The following PDIA6 variants were observed in gnomAD, a reference collection of about 807,000 sequenced individuals.
The protein encoded by PDIA6 is protein disulfide-isomerase A6.
Under a neutral mutation model 58.4 loss-of-function variants are expected in PDIA6, and 29 were observed. The ratio of observed to expected loss-of-function variants is 0.50; its 90% CI spans 0.37 to 0.68. The LOEUF is 0.68. Among genes scored for constraint, PDIA6 ranks in the 30% least tolerant of loss-of-function variants. PDIA6 has a pLI of 0.00. For missense variants in PDIA6, 480 were observed against 551.0 expected (o/e 0.87, Z 1.29); for synonymous variants, 192 against 202.6 (o/e 0.95, Z 0.44).
At chr2:10,834,721 C>CCCTCCCTT (rs1303608003), upstream of PDIA6, among the ~76,000 whole-genome samples, 92 of 45,520 alleles carry the variant, frequency 2.0e-3, 4 homozygotes, top group Non-Finnish European at 2.0e-3. Context: ...CTCCCTCCCT[C>CCCTCCCTT]CCTTCCTTCC....
chr2:10,788,794 T>C, intron 9 of PDIA6, 25 bp from the exon 10 acceptor site: 1 of 1,592,714 alleles, frequency 6.3e-7, no homozygotes, highest in Non-Finnish European at 8.6e-7. Flanking sequence ...CAAAGTTTTT[T>C]AAAGGTAAAG....
At chr2:10,836,161 G>A (rs1449374444), upstream of PDIA6, among the ~76,000 whole-genome samples, 1 of 152,074 alleles carries the variant, frequency 6.6e-6, no homozygotes, top group Admixed American at 6.6e-5. Context: ...GAAGGGGAAG[G>A]GAGATCAACC....
At chr2:10,817,024 G>A (rs1045412237), upstream of PDIA6, among the ~76,000 whole-genome samples, 1 of 152,202 alleles carries the variant, frequency 6.6e-6, no homozygotes, top group African/African-American at 2.4e-5. Flanking sequence ...ACTGCCTCCT[G>A]TGAGATTTCT....
chr2:10,800,583 T>C (rs1436588602), intron 2 of PDIA6, among the ~76,000 whole-genome samples: 1 of 151,566 alleles, frequency 6.6e-6, no homozygotes, highest in Non-Finnish European at 1.5e-5. Flanking sequence ...GATTTTGATT[T>C]TTTTTTTTAA....
At chr2:10,827,001 G>A (rs1249243920) in intron 1 of PDIA6, among the ~76,000 whole-genome samples, 1 of 152,180 alleles carries the variant, frequency 6.6e-6, no homozygotes, top group African/African-American at 2.4e-5. Flanking sequence ...GTGCCCCCGG[G>A]TGAGCAGTTC....
chr2:10,785,966 A>G (rs1665714221), intron 11 of PDIA6, among the ~76,000 whole-genome samples: 1 of 151,680 alleles, frequency 6.6e-6, no homozygotes, highest in Non-Finnish European at 1.5e-5. Flanking sequence ...CGCCTGCCTC[A>G]GACTCCCAAA....
At chr2:10,806,636 A>AGAC (rs1666772866) in intron 1 of PDIA6, among the ~76,000 whole-genome samples, 2 of 124,400 alleles carry the variant, frequency 1.6e-5, no homozygotes, top group Admixed American at 8.2e-5. Context: ...GACAGAAAGA[A>AGAC]AGAAAGAAAG....
chr2:10,802,357 T>A, intron 2 of PDIA6, 142 bp downstream of exon 2: 2 of 461,042 alleles, frequency 4.3e-6, no homozygotes, highest in Non-Finnish European at 7.3e-6. Context: ...ATACTTTGCA[T>A]TTCCCATTTC....
At chr2:10,797,252 C>T (rs368481526) in intron 3 of PDIA6, 45 bp from the exon 4 acceptor site, 2 of 1,585,338 alleles carry the variant, frequency 1.3e-6, no homozygotes, top group African/African-American at 2.7e-5. Flanking sequence ...TCCGCTAAAG[C>T]AGACTCCACA....
intron 1 of PDIA6, among the ~76,000 whole-genome samples, chr2:10,821,780 A>G (rs1240551561): frequency 6.6e-6 from 1 of 151,872 alleles, no homozygotes; most frequent in Non-Finnish European, 1.5e-5. Context: ...ACATGCTGCT[A>G]TGCCCGGCTA....
Position 10,797,740 on chromosome 2 carries a change from C to G in PDIA6, c.179G>C (p.Arg60Thr), listed in dbSNP as rs773973311. Reference protein sequence around the residue: ...FYAPWCGHCQRLTPEWKKAAT... With the variant: ...FYAPWCGHCQTLTPEWKKAAT... ...TGCTTTCTTCCATTCTGGTGTTAAT[C>G]TTTGACAGTGACCACACCTTTTGGG... Residue 60 changes from arginine to threonine, a missense_variant, in exon 3 of 13, where the codon AGA becomes ACA. By Grantham distance (71) the Arg-to-Thr change is moderately conservative. Coordinates refer to ENST00000272227, the MANE Select transcript of PDIA6 (RefSeq NM_005742.4). 1 of 1,612,932 alleles carries G rather than the reference C, an allele frequency of 6.2e-7. No individual in the cohort carries two copies. The highest frequency in any genetic ancestry group is 1.1e-5 in the South Asian group (1 of 90,860).
At chr2:10,794,399 T>A (rs571054959) in intron 4 of PDIA6, among the ~76,000 whole-genome samples, 1 of 146,814 alleles carries the variant, frequency 6.8e-6, no homozygotes, top group East Asian at 2.0e-4. Context: ...TGAGCTGACA[T>A]CGCGCCACTG....
chr2:10,829,324 A>G (rs1220973336), intron 1 of PDIA6, among the ~76,000 whole-genome samples: 1 of 152,132 alleles, frequency 6.6e-6, no homozygotes, highest in Non-Finnish European at 1.5e-5. Context: ...TGGCTTCTTC[A>G]GCTTCAGGAG....
chr2:10,785,867 C>G (rs866859794), intron 11 of PDIA6, among the ~76,000 whole-genome samples: 64 of 152,324 alleles, frequency 4.2e-4, no homozygotes, highest in Middle Eastern at 3.4e-3. Context: ...CCTACAACAC[C>G]ACACCTGGCC....
chr2:10,786,189 G>T (rs1044903613), intron 11 of PDIA6, among the ~76,000 whole-genome samples: 4 of 152,132 alleles, frequency 2.6e-5, no homozygotes, highest in African/African-American at 4.8e-5. Flanking sequence ...TGGGCGTGGT[G>T]GCAGGCGCCT....
rs748053153 is a variant in PDIA6, at chr2:10,810,251, A to G, written c.19+2427T>C. The G allele has an allele frequency of 7.5e-6, 11 of 1,472,288 alleles. No individual in the cohort carries two copies. The East Asian group carries it at 1.2e-4, about 16-fold the overall frequency. 91.2% of individuals were successfully genotyped at this position (1,472,288 alleles called of 1,614,324 possible). A position where few individuals can be genotyped will look rare whatever the true frequency, so the allele number is the denominator to read the frequency against. The stretch of plus-strand genomic sequence containing the variant: ...CAGAAAGGATAACTTACCTAAGATC[A>G]TATAATTAGATAGACCCAAATTTCT... On this transcript the variant is annotated intron_variant, in intron 1 of 12. Transcript: ENST00000272227.
At chr2:10,813,450 G>A (rs182142623), upstream of PDIA6, among the ~76,000 whole-genome samples, 4 of 152,250 alleles carry the variant, frequency 2.6e-5, no homozygotes, top group Non-Finnish European at 2.9e-5. Context: ...ATGCGCTCAC[G>A]TGGGTGTGTG....
intron 5 of PDIA6, 24 bp from the exon 6 acceptor site, chr2:10,791,949 C>G: frequency 6.2e-7 from 1 of 1,609,976 alleles, no homozygotes; most frequent in South Asian, 1.1e-5. Context: ...CATTAAACAT[C>G]AAACAATTGG....
intron 1 of PDIA6, among the ~76,000 whole-genome samples, chr2:10,803,153 G>C (rs959782804): frequency 6.6e-6 from 1 of 152,110 alleles, no homozygotes; most frequent in African/African-American, 2.4e-5. Flanking sequence ...AAGGGCAATG[G>C]TAATTTATTT....
Sources: gnomAD v4.1 joint callset for allele counts (sites outside exome capture counted in the v4.1 genomes callset) on GRCh38, gnomAD v4.1.1 for gene constraint, MANE v1.5 for transcripts, NCBI Gene and HGNC (gene_info 2026-07-23, HGNC 2026-07-21) for gene names.